RIN3: variants seen among roughly 807,000 people sequenced by gnomAD.
The protein encoded by RIN3 is RAB5 interacting protein 3.
In RIN3, 54 loss-of-function variants were observed where a neutral mutation model predicts 76.3. That is an observed-to-expected ratio of 0.71 (90% CI 0.57 to 0.89). The LOEUF (loss-of-function observed/expected upper bound fraction) is 0.89, where lower values mean the gene tolerates loss of function less well. RIN3 is among the 40% of genes least tolerant of loss of function. The probability of loss-of-function intolerance (pLI) is 0.00; values close to 1 mark genes in which losing one functional copy is unlikely to be tolerated. For synonymous variants in RIN3, 576 were observed against 564.0 expected, an observed-to-expected ratio of 1.02 and a Z score of -0.30; for missense variants, 1,256 against 1,322.1, an observed-to-expected ratio of 0.95 and a Z score of 0.78.
intron 1 of RIN3, among the ~76,000 whole-genome samples, chr14:92,526,989 C>T (rs773925574): frequency 1.6e-4 from 24 of 151,418 alleles, no homozygotes; most frequent in Non-Finnish European, 2.8e-4. Context: ...TCTCCATTCT[C>T]GGACTCCATT....
At chr14:92,679,329 T>A (rs562307396) in intron 8 of RIN3, among the ~76,000 whole-genome samples, 31 of 152,124 alleles carry the variant, frequency 2.0e-4, no homozygotes, top group Middle Eastern at 6.8e-3. Flanking sequence ...CCATGGCAGC[T>A]CCAGGGGCCA....
intron 1 of RIN3, among the ~76,000 whole-genome samples, chr14:92,539,097 A>G (rs1213669435): frequency 6.6e-6 from 1 of 151,864 alleles, no homozygotes; most frequent in Non-Finnish European, 1.5e-5. Flanking sequence ...TGCTGCCTCC[A>G]GCTTCAGTCC....
Position 92,577,195 on chromosome 14 carries a change from A to G in RIN3, c.250-165A>G. 2 of 566,402 alleles carry G rather than the reference A, an allele frequency of 3.5e-6. 1 individual carries two copies. Among genetic ancestry groups the G allele is most frequent in the East Asian group, 6.4e-5 (2 of 31,486 alleles). The allele number at this position is 566,402 out of a possible 1,614,324, so 35.1% of individuals were successfully genotyped here. On this transcript the variant is annotated intron_variant, in intron 2 of 9. Coordinates refer to ENST00000216487, the MANE Select transcript of RIN3 (RefSeq NM_024832.5). ...AATGTGGATGTGGGCCAGGTGGCGC[A>G]AGGCTCTTGGGGCAGAACCCCCAGT... is the stretch of plus-strand genomic sequence containing the variant.
chr14:92,541,560 A>C (rs1298660691), intron 1 of RIN3, among the ~76,000 whole-genome samples: 1 of 152,260 alleles, frequency 6.6e-6, no homozygotes, highest in Admixed American at 6.5e-5. Context: ...TGGAGAAAGA[A>C]TCATCTTTCA....
intron 3 of RIN3, among the ~76,000 whole-genome samples, chr14:92,602,875 G>A (rs1379487828): frequency 1.3e-5 from 2 of 152,156 alleles, no homozygotes; most frequent in Non-Finnish European, 2.9e-5. Flanking sequence ...GTGCCATGGG[G>A]AGGGTGCAGA....
intron 4 of RIN3, among the ~76,000 whole-genome samples, chr14:92,625,001 G>A (rs372783762): frequency 3.5e-4 from 54 of 152,166 alleles, no homozygotes; most frequent in Non-Finnish European, 6.5e-4. Flanking sequence ...TCTCCGGGCC[G>A]GTGCTGATGG....
In RIN3 at chr14:92,596,604, A is replaced by G. The variant is rs1314941277; in HGVS notation, c.368-18803A>G. On this transcript the variant is annotated intron_variant, in intron 3 of 9. Coordinates refer to ENST00000216487, the MANE Select transcript of RIN3 (RefSeq NM_024832.5). The stretch of plus-strand genomic sequence containing the variant: ...TCCTTTATACTCTTTGTGTGGTTGT[A>G]TCTTATCCGTTCCTCTTTTAGCAGG... Among the ~76,000 whole-genome samples the G allele has an allele frequency of 2.6e-5, 4 of 152,336 alleles. No individual in the cohort carries two copies. The East Asian group carries it at 7.7e-4, about 29-fold the overall frequency.
chr14:92,613,327 A>G (rs575798982), intron 3 of RIN3, among the ~76,000 whole-genome samples: 36 of 152,216 alleles, frequency 2.4e-4, no homozygotes, highest in African/African-American at 8.4e-4. Flanking sequence ...GAATTCCAAC[A>G]CCACCAGCTA....
chr14:92,563,568 T>G (rs1031218679), intron 2 of RIN3, among the ~76,000 whole-genome samples: 1 of 152,072 alleles, frequency 6.6e-6, no homozygotes, highest in African/African-American at 2.4e-5. Flanking sequence ...CCAGCCTGAG[T>G]CATATGGCTA....
At chr14:92,578,439 C>T (rs1000106070) in intron 3 of RIN3, among the ~76,000 whole-genome samples, 2 of 152,072 alleles carry the variant, frequency 1.3e-5, no homozygotes, top group Non-Finnish European at 2.9e-5. Flanking sequence ...TTCTCCTCCT[C>T]GCATGGTATA....
intron 8 of RIN3, among the ~76,000 whole-genome samples, chr14:92,678,842 C>G (rs893149523): frequency 5.3e-5 from 8 of 152,210 alleles, no homozygotes; most frequent in Non-Finnish European, 8.8e-5. Flanking sequence ...TCTACCTCAT[C>G]AGGACTTTGT....
chr14:92,567,482 G>T (rs1897944820), intron 2 of RIN3, among the ~76,000 whole-genome samples: 1 of 152,146 alleles, frequency 6.6e-6, no homozygotes, highest in East Asian at 1.9e-4. Flanking sequence ...TCTTGTGTTG[G>T]GTGCTGGCTG....
chr14:92,651,991 TC>T lies in RIN3; in HGVS notation c.947del (p.Pro316GlnfsTer23). On this transcript the variant is annotated frameshift_variant, in exon 6 of 10. Transcript: ENST00000216487. LOFTEE classifies it high-confidence loss of function. ...PAPACPLPTS[P>X]PVPAPHVTPH... is the part of the protein sequence containing the mutation. ...CCCCTGCCTGTCCTTTGCCCACCTC[TC>T]CCCCAGTGCCTGCCCCCCACGTCAC... The T allele has an allele frequency of 3.2e-6, 4 of 1,248,904 alleles. No homozygotes were observed. Among genetic ancestry groups the T allele is most frequent in the Non-Finnish European group, 4.3e-6 (4 of 922,420 alleles). The allele number at this position is 1,248,904 out of a possible 1,614,324, so 77.4% of individuals were successfully genotyped here. A position where few individuals can be genotyped will look rare whatever the true frequency, so the allele number is the denominator to read the frequency against.
chr14:92,577,518 C>T (rs776006634), intron 3 of RIN3, 41 bp downstream of exon 3: 2 of 1,121,712 alleles, frequency 1.8e-6, no homozygotes, highest in African/African-American at 3.1e-5. Flanking sequence ...GACCACGCGG[C>T]AGCAGCAGCA....
At chr14:92,556,407 G>C (rs1024052587) in intron 2 of RIN3, among the ~76,000 whole-genome samples, 3 of 152,188 alleles carry the variant, frequency 2.0e-5, no homozygotes, top group African/African-American at 7.2e-5. Flanking sequence ...GGAGTCAAAA[G>C]ATGTTTTGGA....
At chr14:92,672,688 G>GTGTGTA (rs368466050) in intron 7 of RIN3, among the ~76,000 whole-genome samples, 2 of 150,786 alleles carry the variant, frequency 1.3e-5, no homozygotes, top group Admixed American at 1.3e-4. Flanking sequence ...GTGTGTGTGT[G>GTGTGTA]TATACACATA....
intron 6 of RIN3, among the ~76,000 whole-genome samples, chr14:92,657,442 A>G (rs1887713309): frequency 6.6e-6 from 1 of 152,164 alleles, no homozygotes. Flanking sequence ...ACAAGTCACA[A>G]GGAGCAACTG....
chr14:92,615,710 A>G, intron 4 of RIN3: 1 of 533,046 alleles, frequency 1.9e-6, no homozygotes, highest in Non-Finnish European at 3.4e-6. Flanking sequence ...CCTCTGGCTC[A>G]CGGCCTGTCT....
chr14:92,584,304 G>A (rs1884684932), intron 3 of RIN3, among the ~76,000 whole-genome samples: 2 of 152,194 alleles, frequency 1.3e-5, no homozygotes, highest in Non-Finnish European at 2.9e-5. Flanking sequence ...GGGGCATTCA[G>A]GCGGGAAGAG....
Sources: allele counts gnomAD v4.1 joint callset (sites outside exome capture counted in the v4.1 genomes callset), GRCh38; gene constraint gnomAD v4.1.1; transcripts MANE v1.5; gene names NCBI Gene and HGNC (gene_info 2026-07-23, HGNC 2026-07-21).